Variants in UHRF2 observed in about 807,000 individuals in gnomAD.
UHRF2 encodes ubiquitin like with PHD and ring finger domains 2, also known as E3 ubiquitin-protein ligase UHRF2.
Under a neutral mutation model 96.8 loss-of-function variants are expected in UHRF2, and 23 were observed. The observed-to-expected ratio is 0.24, with a 90% CI of 0.17 to 0.34. The LOEUF is 0.34. UHRF2 is among the 10% of genes least tolerant of loss of function. The probability of loss-of-function intolerance (pLI) is 1.00; values close to 1 mark genes in which losing one functional copy is unlikely to be tolerated. For missense variants in UHRF2, 685 were observed against 981.5 expected (o/e 0.70, Z 4.04); for synonymous variants, 385 against 332.6 (o/e 1.16, Z -1.72).
chr9:6,413,923 G>C (rs572936242), intron 1 of UHRF2: 1 of 280,416 alleles, frequency 3.6e-6, no homozygotes, highest in African/African-American at 2.2e-5. Flanking sequence ...TAGGACAGCG[G>C]CCGTAGGCAC....
At position 6,460,606 on chromosome 9, in the gene UHRF2, C is replaced by G. The variant is rs767276224; in HGVS notation, c.678C>G (p.Val226=). Residue 226 remains valine, a synonymous_variant, in exon 4 of 16, where the codon GTC becomes GTG. Coordinates refer to ENST00000276893, the MANE Select transcript of UHRF2 (RefSeq NM_152896.3). The stretch of plus-strand genomic sequence containing the variant: ...AAAGCGGTACTCTAGAAATGAATGT[C>G]AAGGATCTTAGACCACGAGCTAGAA... ...YPESGTLEMN[V]KDLRPRARTI... 1.2e-6 allele frequency: 2 copies of G among 1,609,620 alleles called. No individual in the cohort carries two copies. The highest frequency in any genetic ancestry group is 2.2e-5 in the South Asian group (2 of 90,834).
intron 3 of UHRF2, among the ~76,000 whole-genome samples, chr9:6,444,275 T>G (rs185866409): frequency 1.9e-4 from 29 of 152,342 alleles, no homozygotes; most frequent in Non-Finnish European, 3.7e-4. Flanking sequence ...TACCAAAGAC[T>G]TAGAGTATTT....
intron 3 of UHRF2, among the ~76,000 whole-genome samples, chr9:6,437,432 C>T (rs867523077): frequency 2.0e-5 from 3 of 152,090 alleles, no homozygotes; most frequent in Middle Eastern, 3.4e-3. Flanking sequence ...GGGGTTTCAC[C>T]GTGTTGGTCA....
intron 3 of UHRF2, among the ~76,000 whole-genome samples, chr9:6,437,277 G>C (rs1239471774): frequency 6.6e-6 from 1 of 152,194 alleles, no homozygotes; most frequent in Non-Finnish European, 1.5e-5. Flanking sequence ...CTGTTGCTCA[G>C]TCTGGAGTGC....
chr9:6,472,019 C>T (rs112101121), intron 4 of UHRF2, among the ~76,000 whole-genome samples: 76 of 152,202 alleles, frequency 5.0e-4, no homozygotes, highest in African/African-American at 1.8e-3. Context: ...ATGTACTTAC[C>T]CTTAAGTGTA....
At chr9:6,429,173 A>G (rs1267579301) in intron 2 of UHRF2, among the ~76,000 whole-genome samples, 1 of 152,054 alleles carries the variant, frequency 6.6e-6, no homozygotes, top group African/African-American at 2.4e-5. Flanking sequence ...TCAGGAAAAA[A>G]AAAAAAAGGA....
chr9:6,491,836 T>G (rs937115439), intron 9 of UHRF2, among the ~76,000 whole-genome samples: 1 of 152,250 alleles, frequency 6.6e-6, no homozygotes, highest in Non-Finnish European at 1.5e-5. Context: ...CACAATTTAA[T>G]GGATCATTGA....
intron 2 of UHRF2, among the ~76,000 whole-genome samples, chr9:6,427,084 G>T (rs1381549832): frequency 1.3e-5 from 2 of 152,114 alleles, no homozygotes; most frequent in African/African-American, 4.8e-5. Context: ...TGGGTTTTTT[G>T]TATTTCCCAT....
At chr9:6,420,404 G>A (rs181392097) in intron 1 of UHRF2, among the ~76,000 whole-genome samples, 2 of 108,958 alleles carry the variant, frequency 1.8e-5, no homozygotes, top group Admixed American at 2.1e-4. Flanking sequence ...TGAATATGGA[G>A]TAATTATTAA....
intron 2 of UHRF2, among the ~76,000 whole-genome samples, chr9:6,428,552 T>G (rs1356225829): frequency 5.9e-5 from 7 of 118,140 alleles, no homozygotes; most frequent in African/African-American, 2.5e-4. Context: ...TTTTTTTTTT[T>G]TTTTTTTTTT....
Position 6,500,613 on chromosome 9 carries a change from T to A in UHRF2, c.2067T>A (p.Ala689=). The A allele has an allele frequency of 6.2e-7, 1 of 1,613,826 alleles. No homozygotes were observed. ...KASDSAEAIE[A]FQLTPQQQHL... ...CAGATTCAGCAGAAGCAATTGAGGC[T>A]TTTCAACTAACTCCTCAACAGCAAC... The change falls in exon 14 of 16, where the codon GCT becomes GCA. Residue 689 remains alanine (A), a synonymous_variant. Transcript: ENST00000276893.
At chr9:6,456,759 A>G (rs1822204058) in intron 3 of UHRF2, among the ~76,000 whole-genome samples, 1 of 152,210 alleles carries the variant, frequency 6.6e-6, no homozygotes, top group African/African-American at 2.4e-5. Flanking sequence ...GTGGCTAGCC[A>G]GTTTTCCCAA....
In UHRF2 at chr9:6,475,486, A is replaced by T. The variant is rs767168775; in HGVS notation, c.959A>T (p.Asp320Val). 6.3e-7 allele frequency: 1 copy of T among 1,588,036 alleles called. No homozygotes were observed. The highest frequency in any genetic ancestry group is 8.6e-7 in the Non-Finnish European group (1 of 1,166,592). ...RPGAHPLSFA[D>V]GKFLRRNDPE... ...GGAGCCCATCCCCTTTCATTTGCAG[A>T]TGGAAAGTTTTTAAGTATGGATTTT... The change falls in exon 5 of 16, where the codon GAT becomes GTT. Residue 320 changes from aspartate (D) to valine (V), a missense_variant. Physicochemically the swap from Asp to Val is radical, Grantham distance 152. Around this residue, in one of 6 missense-constraint regions of UHRF2, gnomAD observed 391 missense variants for 437.0 expected, o/e 0.89. Coordinates refer to ENST00000276893, the MANE Select transcript of UHRF2 (RefSeq NM_152896.3).
At position 6,478,374 on chromosome 9, in the gene UHRF2, CT is replaced by C. The variant is rs545424888; in HGVS notation, c.1160+567del. Among the ~76,000 whole-genome samples the C allele has an allele frequency of 9.2e-5, 14 of 152,284 alleles. 1 individual carries two copies. In the South Asian group the frequency reaches 2.9e-3, roughly 32 times the overall value. On this transcript the variant is annotated intron_variant, in intron 6 of 15. Coordinates refer to ENST00000276893, the MANE Select transcript of UHRF2 (RefSeq NM_152896.3). ...ATCCTTTATGGATGGTCCTCTACCC[CT>C]AACCATGTTAGATATCCTTGTTATG...
intron 2 of UHRF2, among the ~76,000 whole-genome samples, chr9:6,430,380 C>CT (rs1433606099): frequency 1.3e-5 from 2 of 151,788 alleles, no homozygotes; most frequent in East Asian, 1.9e-4. Context: ...TTGGCTTAAA[C>CT]TTTTTTTTAG....
intron 15 of UHRF2, 29 bp downstream of exon 15, chr9:6,504,720 T>C: frequency 6.4e-7 from 1 of 1,561,016 alleles, no homozygotes; most frequent in Non-Finnish European, 8.8e-7. Flanking sequence ...TCACTTTCCC[T>C]GTTAGGTATG....
At chr9:6,431,658 AT>A (rs1035437322) in intron 2 of UHRF2, among the ~76,000 whole-genome samples, 5 of 152,122 alleles carry the variant, frequency 3.3e-5, no homozygotes, top group African/African-American at 1.2e-4. Flanking sequence ...GTGAGCTGAT[AT>A]GTTCTATGTG....
At chr9:6,484,300 T>C (rs1455064482) in intron 8 of UHRF2, among the ~76,000 whole-genome samples, 1 of 152,122 alleles carries the variant, frequency 6.6e-6, no homozygotes, top group Non-Finnish European at 1.5e-5. Flanking sequence ...AGTCTCAGAC[T>C]CCTGGCCTAA....
At chr9:6,505,604 A>G (rs1242414273) in intron 15 of UHRF2, among the ~76,000 whole-genome samples, 1 of 152,168 alleles carries the variant, frequency 6.6e-6, no homozygotes, top group Non-Finnish European at 1.5e-5. Flanking sequence ...GCTGCTAAGT[A>G]TATTTTTTGA....
Sources: allele counts gnomAD v4.1 joint callset (sites outside exome capture counted in the v4.1 genomes callset), GRCh38; gene constraint gnomAD v4.1.1; regional missense constraint gnomAD v4.1.1; transcripts MANE v1.5; gene names NCBI Gene and HGNC (gene_info 2026-07-23, HGNC 2026-07-21).